LARS1: variants seen among roughly 807,000 people sequenced by gnomAD.
LARS1 encodes leucine--tRNA ligase, cytoplasmic.
Under a neutral mutation model 162.8 loss-of-function variants are expected in LARS1, and 100 were observed. That is an observed-to-expected ratio of 0.61 (90% confidence interval 0.52 to 0.73). The LOEUF (loss-of-function observed/expected upper bound fraction) is 0.73. Among genes scored for constraint, LARS1 ranks in the 30% least tolerant of loss-of-function variants. LARS1 has a pLI of 0.00. For synonymous variants in LARS1, 457 were observed against 462.8 expected (o/e 0.99, Z 0.16); for missense variants, 1,258 against 1,408.9 (o/e 0.89, Z 1.71).
chr5:146,129,534 A>C (rs1375841025), intron 25 of LARS1, among the ~76,000 whole-genome samples: 1 of 152,190 alleles, frequency 6.6e-6, no homozygotes, highest in Admixed American at 6.5e-5. Flanking sequence ...ATGCATTTAA[A>C]AATACAAAAG....
At chr5:146,157,972 C>A (rs2962507) in intron 8 of LARS1, among the ~76,000 whole-genome samples, 177 bp from the exon 9 acceptor site, 13 of 152,156 alleles carry the variant, frequency 8.5e-5, no homozygotes, top group Admixed American at 7.2e-4. Flanking sequence ...AAGTCTAGTA[C>A]GTTAGGAGAG....
intron 6 of LARS1, among the ~76,000 whole-genome samples, chr5:146,163,429 T>A (rs1387661779): frequency 6.6e-6 from 1 of 152,238 alleles, no homozygotes; most frequent in East Asian, 1.9e-4. Context: ...CTTATGCCTA[T>A]AATCCCAGCA....
At chr5:146,146,809 G>T (rs1275700063) in intron 15 of LARS1, among the ~76,000 whole-genome samples, 1 of 151,664 alleles carries the variant, frequency 6.6e-6, no homozygotes, top group East Asian at 1.9e-4. Flanking sequence ...TGCCTCCCAG[G>T]TTCAAGCGAT....
At chr5:146,137,005 G>A (rs1026469047) in intron 21 of LARS1, among the ~76,000 whole-genome samples, 2 of 151,610 alleles carry the variant, frequency 1.3e-5, no homozygotes, top group East Asian at 2.0e-4. Flanking sequence ...GGGTTCAAGC[G>A]ATTCTCCTGC....
Position 146,122,536 on chromosome 5 carries a change from C to T in LARS1, c.3148G>A (p.Glu1050Lys). The change falls in exon 30 of 32, where the codon GAA becomes AAA. Residue 1050 changes from glutamate to lysine, a missense_variant. Transcript: ENST00000394434. ...AGTGGTTTCCCAGGACAGCAGTCTT[C>T]CCTGATTTTATCTTCTGCTTCGGAG... The part of the protein sequence containing the change: ...FASEAEDKIR[E>K]DCCPGKPLNV... 4.3e-6 allele frequency: 7 copies of T among 1,609,594 alleles called. No homozygotes were observed. The highest frequency in any genetic ancestry group is 5.9e-6 in the Non-Finnish European group (7 of 1,177,082).
chr5:146,114,069 C>A lies in LARS1; in HGVS notation c.*37G>T. The stretch of plus-strand genomic sequence containing the variant: ...TAGACACAATCAGAGTAGTAGTATT[C>A]CTAAGAAACCAGGATAAATCTCCAA... On this transcript the variant is annotated 3_prime_UTR_variant, in exon 32 of 32. Transcript: ENST00000394434. The A allele has an allele frequency of 3.3e-6, 5 of 1,510,972 alleles. No individual in the cohort carries two copies. The highest frequency in any genetic ancestry group is 4.6e-6 in the Non-Finnish European group (5 of 1,087,912). The allele number at this position is 1,510,972 out of a possible 1,614,324, so 93.6% of individuals were successfully genotyped here.
At chr5:146,144,757 C>G in intron 15 of LARS1, 48 bp from the exon 16 acceptor site, 1 of 1,481,128 alleles carries the variant, frequency 6.8e-7, no homozygotes, top group Non-Finnish European at 9.4e-7. Context: ...TCAAATCAAT[C>G]TTCATTCCTC....
chr5:146,168,292 G>A, intron 4 of LARS1, 27 bp from the exon 5 acceptor site: 1 of 1,571,928 alleles, frequency 6.4e-7, no homozygotes, highest in Non-Finnish European at 8.6e-7. Flanking sequence ...AGATAATGAA[G>A]TTCAAAATCA....
At chr5:146,163,511 C>G (rs1417090529) in intron 6 of LARS1, among the ~76,000 whole-genome samples, 1 of 152,032 alleles carries the variant, frequency 6.6e-6, no homozygotes, top group Admixed American at 6.6e-5. Context: ...CATAGTGAAA[C>G]CTCGTCTCTA....
intron 15 of LARS1, among the ~76,000 whole-genome samples, chr5:146,146,532 C>CAAAAAAAAAAAA (rs573828595): frequency 3.8e-5 from 1 of 26,502 alleles, no homozygotes; most frequent in Non-Finnish European, 6.1e-5. Context: ...ATGCCAGAAC[C>CAAAAAAAAAAAA]AAAAAAAAAA....
intron 30 of LARS1, 87 bp downstream of exon 30, chr5:146,122,405 T>G: frequency 1.3e-6 from 1 of 743,290 alleles, no homozygotes; most frequent in Non-Finnish European, 2.3e-6. Context: ...CTTTGTTCTA[T>G]TTTTTAAATG....
At chr5:146,167,037 TCAAA>T (rs1561492066) in intron 5 of LARS1, among the ~76,000 whole-genome samples, 1 of 152,150 alleles carries the variant, frequency 6.6e-6, no homozygotes, top group Non-Finnish European at 1.5e-5. Context: ...TGAGAAAGCA[TCAAA>T]CAAACTCAAA....
chr5:146,179,658 G>A (rs187965991), intron 1 of LARS1: 52 of 439,280 alleles, frequency 1.2e-4, no homozygotes, highest in African/African-American at 1.0e-3. Context: ...GAGCATAATG[G>A]TGCAAGCACC....
At chr5:146,138,825 A>G in intron 21 of LARS1, 1 of 240,036 alleles carries the variant, frequency 4.2e-6, no homozygotes, top group African/African-American at 2.3e-5. Flanking sequence ...TGTGCTATGT[A>G]TACAAAGCAA....
Position 146,151,727 on chromosome 5 carries a change from G to A in LARS1, c.1425+135C>T. On this transcript the variant is annotated intron_variant, in intron 14 of 31. Coordinates refer to ENST00000394434, the MANE Select transcript of LARS1 (RefSeq NM_020117.11). ...AACAAAAATTAGAAATTTGGAAATA[G>A]AATACATTCTCATATTAAGCTCTCA... 3.7e-6 allele frequency: 3 copies of A among 809,604 alleles called. No individual in the cohort carries two copies. In the South Asian group the frequency reaches 5.7e-5, roughly 15 times the overall value. 50.2% of individuals were successfully genotyped at this position (809,604 alleles called of 1,614,324 possible).
chr5:146,176,250 G>A (rs573475716), intron 2 of LARS1, among the ~76,000 whole-genome samples: 22 of 151,988 alleles, frequency 1.4e-4, no homozygotes, highest in Admixed American at 1.3e-4. Context: ...TCAGGAAATC[G>A]AGACCATCCT....
intron 5 of LARS1, among the ~76,000 whole-genome samples, chr5:146,167,769 T>G (rs527287248): frequency 6.6e-6 from 1 of 151,926 alleles, no homozygotes; most frequent in South Asian, 2.1e-4. Flanking sequence ...GACCTCATGA[T>G]CCGCCCGCCT....
intron 5 of LARS1, among the ~76,000 whole-genome samples, 153 bp downstream of exon 5, chr5:146,167,975 C>T (rs562650030): frequency 5.3e-5 from 8 of 152,338 alleles, no homozygotes; most frequent in African/African-American, 1.9e-4. Context: ...TGAGCCACCG[C>T]GCCTGGCCAG....
intron 21 of LARS1, among the ~76,000 whole-genome samples, chr5:146,136,670 C>G (rs1241707377): frequency 1.3e-5 from 2 of 151,674 alleles, no homozygotes; most frequent in African/African-American, 4.8e-5. Context: ...TTAGTAGAGA[C>G]GGGGTTTCAC....
Sources: allele counts gnomAD v4.1 joint callset (sites outside exome capture counted in the v4.1 genomes callset), GRCh38; gene constraint gnomAD v4.1.1; transcripts MANE v1.5; gene names NCBI Gene and HGNC (gene_info 2026-07-23, HGNC 2026-07-21).